DUOX2: variants seen among roughly 807,000 people sequenced by gnomAD.
DUOX2 encodes the protein NADH/NADPH thyroid oxidase p138-tox.
DUOX2 carries 185 observed loss-of-function variants against 183.3 expected under a neutral mutation model. The observed-to-expected ratio is 1.01, with a 90% CI of 0.90 to 1.14. The LOEUF is 1.14. Ranked by LOEUF, DUOX2 falls within the 50% of genes most tolerant of loss-of-function variation. The pLI, the probability that DUOX2 is intolerant of heterozygous loss-of-function variation, is 0.00. For synonymous variants in DUOX2, 788 were observed against 812.4 expected (o/e 0.97, Z 0.51); for missense variants, 1,999 against 2,022.9 (o/e 0.99, Z 0.23).
In DUOX2 at chr15:45,097,369, G is replaced by C; in HGVS notation, c.3716C>G (p.Ala1239Gly). Residue 1239 changes from alanine to glycine, a missense_variant, in exon 29 of 34, where the codon GCT becomes GGT. Transcript: ENST00000389039. Reference protein sequence around the residue: ...YALLIIHGSYALIQLPTFHIY... With the variant: ...YALLIIHGSYGLIQLPTFHIY... ...GTGGAAAGTGGGCAGCTGGATCAGAGCATAGCTGCCATGGATGATGAGCTG... is the reference window on the plus strand; with the variant it reads ...GTGGAAAGTGGGCAGCTGGATCAGACCATAGCTGCCATGGATGATGAGCTG... 3 of 1,614,260 alleles carry C rather than the reference G, an allele frequency of 1.9e-6. No homozygotes were observed. Among genetic ancestry groups the C allele is most frequent in the Non-Finnish European group, 2.5e-6 (3 of 1,180,048 alleles).
intron 17 of DUOX2, 133 bp downstream of exon 17, chr15:45,105,992 C>T (rs1448944987): frequency 2.2e-6 from 3 of 1,367,586 alleles, no homozygotes; most frequent in East Asian, 2.5e-5. Context: ...TGTCTGGGGG[C>T]CTCTGAAAGG....
intron 31 of DUOX2, 22 bp from the exon 32 acceptor site, chr15:45,095,113 T>C: frequency 1.2e-6 from 2 of 1,610,510 alleles, no homozygotes; most frequent in Non-Finnish European, 1.7e-6. Flanking sequence ...GGGCTGGAGA[T>C]CAGGACCCAG....
intron 20 of DUOX2, among the ~76,000 whole-genome samples, chr15:45,102,717 C>T (rs574032758): frequency 9.2e-5 from 14 of 152,320 alleles, no homozygotes; most frequent in African/African-American, 3.1e-4. Context: ...TGTGGTGGCT[C>T]ACGCCTGTAA....
At position 45,112,598 on chromosome 15, in the gene DUOX2, C is replaced by A. The variant is rs750783895; in HGVS notation, c.281G>T (p.Gly94Val). The change falls in exon 4 of 34, where the codon GGC becomes GTC. Residue 94 changes from glycine to valine, a missense_variant. This residue lies in a region of DUOX2 where 356 missense variants were observed against 356.4 expected (regional missense o/e 1.00). Coordinates refer to ENST00000389039, the MANE Select transcript of DUOX2 (RefSeq NM_001363711.2). ...LSNAATRGIAGLPSLHNRTVL... is the reference protein window; with the variant it reads ...LSNAATRGIAVLPSLHNRTVL... ...GGTGCGGTTGTGGAGCGACGGCAGGCCGGCTATGCCCCGCGTGGCTGCGTT... is the reference window on the plus strand; with the variant it reads ...GGTGCGGTTGTGGAGCGACGGCAGGACGGCTATGCCCCGCGTGGCTGCGTT... 8 of 1,612,810 alleles carry A rather than the reference C, an allele frequency of 5.0e-6. No individual in the cohort carries two copies. In the African/African-American group the frequency reaches 1.1e-4, roughly 22 times the overall value.
Position 45,094,621 on chromosome 15 carries a change from T to G in DUOX2, c.4466A>C (p.His1489Pro), listed in dbSNP as rs1374763726. 1 of 1,613,746 alleles carries G rather than the reference T, an allele frequency of 6.2e-7. No individual in the cohort carries two copies. The highest frequency in any genetic ancestry group is 1.3e-5 in the African/African-American group (1 of 74,826). ...SLFTGLRSIT[H>P]FGRPPFEPFF... is the part of the protein sequence containing the mutation. ...GGGCTCGAAGGGGGGACGGCCAAAG[T>G]GGGTGATGGAGCGCAGGCCCGTGAA... is the stretch of plus-strand genomic sequence containing the variant. Residue 1489 changes from histidine (H) to proline (P), a missense_variant, in exon 33 of 34, where the codon CAC (histidine) becomes CCC (proline). His to Pro is a moderately conservative substitution (Grantham distance 77). Around this residue, in one of 3 missense-constraint regions of DUOX2, gnomAD observed 1,628 missense variants for 1,608.6 expected, o/e 1.01. Coordinates refer to ENST00000389039, the MANE Select transcript of DUOX2 (RefSeq NM_001363711.2).
intron 9 of DUOX2, 44 bp from the exon 10 acceptor site, chr15:45,110,024 A>G: frequency 6.3e-7 from 1 of 1,588,512 alleles, no homozygotes; most frequent in Non-Finnish European, 8.6e-7. Flanking sequence ...TTTGGAGAAG[A>G]ATCAAAGATG....
rs74011359 is a variant in DUOX2, at chr15:45,110,819, A to G, written c.883-109T>C. 7.5e-3 allele frequency: 11,355 copies of G among 1,520,154 alleles called. 59 individuals are homozygous for G. Among genetic ancestry groups the G allele is most frequent in the African/African-American group, 0.021 (1,582 of 73,598 alleles). The allele number at this position is 1,520,154 out of a possible 1,614,324, so 94.2% of individuals were successfully genotyped here. On this transcript the variant is annotated intron_variant, in intron 7 of 33. Transcript: ENST00000389039. ...GTGGAGATGAGACCAGGAAGGGTCA[A>G]TCATGGGAGAAGCAACTCAGACAGG... is the stretch of plus-strand genomic sequence containing the variant.
At position 45,095,898 on chromosome 15, in the gene DUOX2, C is replaced by A. The variant is rs1162091260; in HGVS notation, c.4010G>T (p.Gly1337Val). The A allele has an allele frequency of 6.2e-7, 1 of 1,612,556 alleles. No homozygotes were observed. The highest frequency in any genetic ancestry group is 2.2e-5 in the East Asian group (1 of 44,786). Residue 1337 changes from glycine (G) to valine (V), a missense_variant, in exon 30 of 34, where the codon GGG becomes GTG. By Grantham distance (109) the Gly-to-Val change is moderately radical. Around this residue, in one of 3 missense-constraint regions of DUOX2, gnomAD observed 1,628 missense variants for 1,608.6 expected, o/e 1.01. Coordinates refer to ENST00000389039, the MANE Select transcript of DUOX2 (RefSeq NM_001363711.2). ...DTLSLHIRAVGPWTTRLREIY... is the reference protein window; with the variant it reads ...DTLSLHIRAVVPWTTRLREIY... ...CTCCCTGAGGCGAGTGGTCCAGGGC[C>A]CCACTGCCCGGATGTGCAGGCTGAG...
rs1261879325 is a variant in DUOX2, at chr15:45,113,341, C to T, written c.70+1G>A. ...CGCCGCTAGAGGAGCCTGATACTTG[C>T]CCGATGGACCCAGGGATCCAGTCAG... On this transcript the variant is annotated splice_donor_variant, in intron 2 of 33. Transcript: ENST00000389039. LOFTEE classifies it high-confidence loss of function. 2 of 1,559,920 alleles carry T rather than the reference C, an allele frequency of 1.3e-6. No homozygotes were observed. Among genetic ancestry groups the T allele is most frequent in the Non-Finnish European group, 1.7e-6 (2 of 1,151,042 alleles).
In DUOX2 at chr15:45,100,102, A is replaced by G. The variant is rs375884437; in HGVS notation, c.3132T>C (p.Cys1044=). ...CACAGATGGCCGAGAAGATTGCCACACACACGATGTGCCTCCGGTAGTTCT... is the reference window on the plus strand; with the variant it reads ...CACAGATGGCCGAGAAGATTGCCACGCACACGATGTGCCTCCGGTAGTTCT... ...FVENYRRHIV[C]VAIFSAICVG... is the part of the protein sequence containing the mutation. The change falls in exon 24 of 34, where the codon TGT becomes TGC. Residue 1044 remains cysteine, a synonymous_variant. Transcript: ENST00000389039. 5 of 1,614,110 alleles carry G rather than the reference A, an allele frequency of 3.1e-6. No individual in the cohort carries two copies. Among genetic ancestry groups the G allele is most frequent in the Non-Finnish European group, 4.2e-6 (5 of 1,180,050 alleles).
At position 45,111,384 on chromosome 15, in the gene DUOX2, C is replaced by T. The variant is rs758327952; in HGVS notation, c.715G>A (p.Ala239Thr). 5.4e-5 allele frequency: 78 copies of T among 1,441,734 alleles called. No individual in the cohort carries two copies. In the South Asian group the frequency reaches 8.3e-4, roughly 15 times the overall value. 89.3% of individuals were successfully genotyped at this position (1,441,734 alleles called of 1,614,324 possible). The change falls in exon 6 of 34, where the codon GCC (alanine) becomes ACC (threonine). Residue 239 changes from alanine (A) to threonine (T), a missense_variant and splice_region_variant. Physicochemically the swap from Ala to Thr is moderately conservative, Grantham distance 58. Coordinates refer to ENST00000389039, the MANE Select transcript of DUOX2 (RefSeq NM_001363711.2). Reference sequence around the variant, plus strand: ...CCCCGTCCCGCCCCTGTGGCCTCACCGTACAGCCCCCGGGGCCCGTTCTGC... The same window carrying T: ...CCCCGTCCCGCCCCTGTGGCCTCACTGTACAGCCCCCGGGGCCCGTTCTGC... ...TGQNGPRGLY[A>T]FGAERGNREP...
At chr15:45,110,835 C>G in intron 7 of DUOX2, 125 bp from the exon 8 acceptor site, 1 of 1,453,512 alleles carries the variant, frequency 6.9e-7, no homozygotes, top group Admixed American at 2.0e-5. Flanking sequence ...GGAGAAGCAA[C>G]TCAGACAGGA....
chr15:45,113,235 G>C (rs542332387), intron 2 of DUOX2, 107 bp downstream of exon 2: 3 of 1,463,020 alleles, frequency 2.1e-6, no homozygotes, highest in East Asian at 2.5e-5. Context: ...TGAGCTGCAC[G>C]GCGAAATGAC....
At chr15:45,101,527 C>T in intron 21 of DUOX2, 1 of 626,246 alleles carries the variant, frequency 1.6e-6, no homozygotes, top group East Asian at 2.7e-5. Flanking sequence ...AATGCCTCTT[C>T]CTCTGGCCAG....
In DUOX2 at chr15:45,095,466, A is replaced by T. The variant is rs1357961813; in HGVS notation, c.4210T>A (p.Ser1404Thr). Residue 1404 changes from serine (S) to threonine (T), a missense_variant, in exon 31 of 34, where the codon TCC becomes ACC. Around this residue, in one of 3 missense-constraint regions of DUOX2, gnomAD observed 1,628 missense variants for 1,608.6 expected, o/e 1.01. Transcript: ENST00000389039. ...TTACACAGCATTTGGCTGCCCAAGGATGACTTGAAGACCAGGTCTTTGAGG... is the reference window on the plus strand; with the variant it reads ...TTACACAGCATTTGGCTGCCCAAGGTTGACTTGAAGACCAGGTCTTTGAGG... ...SILKDLVFKS[S>T]LGSQMLCKKI... The T allele has an allele frequency of 5.6e-6, 9 of 1,614,088 alleles. No homozygotes were observed. The highest frequency in any genetic ancestry group is 1.3e-5 in the African/African-American group (1 of 74,926).
At chr15:45,103,300 G>A (rs1380024158) in intron 20 of DUOX2, among the ~76,000 whole-genome samples, 3 of 152,210 alleles carry the variant, frequency 2.0e-5, no homozygotes, top group Non-Finnish European at 4.4e-5. Context: ...GTCTTACTCA[G>A]TTAGTTATGT....
intron 15 of DUOX2, 62 bp downstream of exon 15, chr15:45,106,770 C>T (rs764801766): frequency 6.3e-7 from 1 of 1,599,694 alleles, no homozygotes; most frequent in Non-Finnish European, 8.5e-7. Flanking sequence ...ATAGCCAGCC[C>T]CTCAGGCCAG....
At position 45,092,913 on chromosome 15, in the gene DUOX2, G is replaced by A. The variant is rs1893799866; in HGVS notation, c.*1237C>T. 6.6e-6 allele frequency: 1 copy of A among 152,174 alleles called. No individual in the cohort carries two copies. The highest frequency in any genetic ancestry group is 2.4e-5 in the African/African-American group (1 of 41,436). The allele number at this position is 152,174 out of a possible 1,614,324, so 9.4% of individuals were successfully genotyped here. Reference sequence around the variant, plus strand: ...TTTGGTAGAAATCACATCAGTGGTTGCTTCTAGGAGCTAGGGGAGACGAAG... The same window carrying A: ...TTTGGTAGAAATCACATCAGTGGTTACTTCTAGGAGCTAGGGGAGACGAAG... On this transcript the variant is annotated 3_prime_UTR_variant, in exon 34 of 34. Coordinates refer to ENST00000389039, the MANE Select transcript of DUOX2 (RefSeq NM_001363711.2).
At chr15:45,104,577 C>T (rs979047104) in intron 18 of DUOX2, among the ~76,000 whole-genome samples, 2 of 152,146 alleles carry the variant, frequency 1.3e-5, no homozygotes, top group Non-Finnish European at 1.5e-5. Context: ...TCTCCCTGGG[C>T]CCAAGAACCG....
Sources: allele counts gnomAD v4.1 joint callset (sites outside exome capture counted in the v4.1 genomes callset), GRCh38; gene constraint gnomAD v4.1.1; regional missense constraint gnomAD v4.1.1; transcripts MANE v1.5; gene names NCBI Gene and HGNC (gene_info 2026-07-23, HGNC 2026-07-21).